The following CPNE8 variants were observed in gnomAD, a reference collection of about 807,000 sequenced individuals.
CPNE8 encodes copine 8.
In CPNE8, 45 loss-of-function variants were observed where a neutral mutation model predicts 81.5. The observed-to-expected ratio is 0.55, with a 90% confidence interval of 0.44 to 0.71. CPNE8 has a LOEUF of 0.71. Ranked by LOEUF, CPNE8 falls within the 30% of genes least tolerant of loss-of-function variation. CPNE8 has a pLI of 0.00. For synonymous variants in CPNE8, 252 were observed against 226.3 expected (o/e 1.11, Z -1.02); for missense variants, 594 against 672.1 (o/e 0.88, Z 1.28).
chr12:38,787,936 A>G (rs1021268928), intron 6 of CPNE8, among the ~76,000 whole-genome samples: 2 of 144,844 alleles, frequency 1.4e-5, no homozygotes, highest in Non-Finnish European at 3.0e-5. Flanking sequence ...AAGTAAGGAA[A>G]GTAAGGAGAC....
chr12:38,695,288 G>A (rs1168608781), intron 14 of CPNE8, among the ~76,000 whole-genome samples: 1 of 152,122 alleles, frequency 6.6e-6, no homozygotes, highest in African/African-American at 2.4e-5. Flanking sequence ...AAGAAAAACA[G>A]CAGCCCTATC....
At chr12:38,656,735 T>C (rs1240504554) in intron 19 of CPNE8, among the ~76,000 whole-genome samples, 1 of 152,146 alleles carries the variant, frequency 6.6e-6, no homozygotes, top group African/African-American at 2.4e-5. Context: ...TCTCAAACTG[T>C]TTTTTAAAAT....
At chr12:38,843,937 C>A (rs1172002350) in intron 4 of CPNE8, among the ~76,000 whole-genome samples, 3 of 151,994 alleles carry the variant, frequency 2.0e-5, no homozygotes, top group Non-Finnish European at 4.4e-5. Context: ...AAGTACCTAA[C>A]AATTAACAGA....
chr12:38,672,536 G>A (rs531549723), intron 18 of CPNE8, among the ~76,000 whole-genome samples: 123 of 152,282 alleles, frequency 8.1e-4, no homozygotes, highest in African/African-American at 2.8e-3. Context: ...AAAGGTGTAT[G>A]AGACAGATTT....
At chr12:38,670,649 T>C (rs1939153749) in intron 19 of CPNE8, 80 bp downstream of exon 19, 3 of 930,570 alleles carry the variant, frequency 3.2e-6, no homozygotes, top group South Asian at 3.1e-5. Flanking sequence ...AAGTCTGTTA[T>C]ATTTCTAGCT....
intron 6 of CPNE8, among the ~76,000 whole-genome samples, chr12:38,825,358 T>C (rs1943171869): frequency 6.6e-6 from 1 of 152,078 alleles, no homozygotes. Flanking sequence ...ATTAGATTGA[T>C]TCAGGAAAAA....
At chr12:38,822,175 G>T (rs1467279161) in intron 6 of CPNE8, among the ~76,000 whole-genome samples, 1 of 152,076 alleles carries the variant, frequency 6.6e-6, no homozygotes, top group African/African-American at 2.4e-5. Context: ...CTGAACCCTG[G>T]ATTATTTTTT....
intron 6 of CPNE8, among the ~76,000 whole-genome samples, chr12:38,805,922 T>C (rs1230643909): frequency 2.0e-5 from 3 of 149,354 alleles, no homozygotes; most frequent in Non-Finnish European, 1.5e-5. Context: ...AAAGGGGATA[T>C]CACCACCGAT....
chr12:38,667,768 A>C (rs1939089559), intron 19 of CPNE8, among the ~76,000 whole-genome samples: 1 of 151,990 alleles, frequency 6.6e-6, no homozygotes, highest in African/African-American at 2.4e-5. Flanking sequence ...CTTTATGGTG[A>C]TAGGCTGCTC....
intron 13 of CPNE8, among the ~76,000 whole-genome samples, chr12:38,709,117 C>T (rs1026976678): frequency 2.6e-5 from 4 of 152,198 alleles, no homozygotes; most frequent in Non-Finnish European, 5.9e-5. Flanking sequence ...CAGGACTATG[C>T]TTCTGCCTTG....
At chr12:38,773,730 T>G in intron 7 of CPNE8, among the ~76,000 whole-genome samples, 1 of 152,262 alleles carries the variant, frequency 6.6e-6, no homozygotes, top group South Asian at 2.1e-4. Flanking sequence ...TGCCCAATAC[T>G]TTTAATGTTC....
chr12:38,759,529 G>T (rs934673347), intron 10 of CPNE8, among the ~76,000 whole-genome samples: 2 of 152,136 alleles, frequency 1.3e-5, no homozygotes, highest in Non-Finnish European at 2.9e-5. Flanking sequence ...TGGCAGAAAC[G>T]TAAAGATCAG....
rs928768965 is a variant in CPNE8, at chr12:38,653,763, A to G, written c.*119T>C. On this transcript the variant is annotated 3_prime_UTR_variant, in exon 20 of 20. Transcript: ENST00000331366. Reference sequence around the variant, plus strand: ...AAATTTGGATCCAAGAAAGCACATTAACTGCTGAAACCAAACTGAGAAAAC... The same window carrying G: ...AAATTTGGATCCAAGAAAGCACATTGACTGCTGAAACCAAACTGAGAAAAC... The G allele has an allele frequency of 5.1e-6, 7 of 1,375,820 alleles. No homozygotes were observed. The highest frequency in any genetic ancestry group is 6.6e-6 in the Non-Finnish European group (7 of 1,058,776). 85.2% of individuals were successfully genotyped at this position (1,375,820 alleles called of 1,614,324 possible).
chr12:38,822,459 G>A (rs568089549), intron 6 of CPNE8, among the ~76,000 whole-genome samples: 2 of 152,008 alleles, frequency 1.3e-5, no homozygotes, highest in South Asian at 4.2e-4. Flanking sequence ...AGGAAGGAAG[G>A]AAAGATACTG....
At chr12:38,661,981 T>C (rs949924168) in intron 19 of CPNE8, among the ~76,000 whole-genome samples, 2 of 151,318 alleles carry the variant, frequency 1.3e-5, no homozygotes, top group Non-Finnish European at 2.9e-5. Flanking sequence ...AAATTGTCTG[T>C]AAATTAGGTA....
chr12:38,760,390 T>C (rs1238336645), intron 10 of CPNE8, among the ~76,000 whole-genome samples: 1 of 149,566 alleles, frequency 6.7e-6, no homozygotes, highest in Non-Finnish European at 1.5e-5. Context: ...AACTATTTGG[T>C]CTGGCAATGA....
chr12:38,896,141 A>G (rs532103144), intron 1 of CPNE8, among the ~76,000 whole-genome samples: 2 of 152,290 alleles, frequency 1.3e-5, no homozygotes, highest in East Asian at 3.9e-4. Flanking sequence ...TCATTAAAAT[A>G]GCTTATATTT....
chr12:38,732,790 T>A (rs1008771805), intron 10 of CPNE8, among the ~76,000 whole-genome samples: 2 of 151,952 alleles, frequency 1.3e-5, no homozygotes, highest in Non-Finnish European at 2.9e-5. Flanking sequence ...CTGCCTTGGA[T>A]CCTTTTCAGA....
At chr12:38,791,808 A>C (rs140769547) in intron 6 of CPNE8, among the ~76,000 whole-genome samples, 2 of 151,580 alleles carry the variant, frequency 1.3e-5, no homozygotes, top group African/African-American at 4.8e-5. Flanking sequence ...ACATGAAACT[A>C]TCTCCAGGAC....
Sources: gnomAD v4.1 joint callset for allele counts (sites outside exome capture counted in the v4.1 genomes callset) on GRCh38, gnomAD v4.1.1 for gene constraint, MANE v1.5 for transcripts, NCBI Gene and HGNC (gene_info 2026-07-23, HGNC 2026-07-21) for gene names.